LRP1: variants seen among roughly 807,000 people sequenced by gnomAD.
LRP1 encodes LDL receptor related protein 1.
LRP1 carries 51 observed loss-of-function variants against 541.5 expected under a neutral mutation model. That is an observed-to-expected ratio of 0.09 (90% confidence interval 0.08 to 0.12). LRP1 has a LOEUF of 0.12. LRP1 is among the 10% of genes least tolerant of loss of function. LRP1 has a pLI of 1.00. For synonymous variants in LRP1, 2,219 were observed against 2,470.8 expected, an observed-to-expected ratio of 0.90 and a Z score of 3.02; for missense variants, 3,878 against 6,376.2, an observed-to-expected ratio of 0.61 and a Z score of 13.34.
In LRP1 at chr12:57,165,675, T is replaced by G. The variant is rs12831522; in HGVS notation, c.2531-130T>G. 7.5e-5 allele frequency: 66 copies of G among 879,040 alleles called. No individual in the cohort carries two copies. The Middle Eastern group carries it at 2.1e-3, about 28-fold the overall frequency. 54.5% of individuals were successfully genotyped at this position (879,040 alleles called of 1,614,324 possible). On this transcript the variant is annotated intron_variant, in intron 15 of 88. Coordinates refer to ENST00000243077, the MANE Select transcript of LRP1 (RefSeq NM_002332.3). This position sits in a 1 kb window ranked among gnomAD's most constrained non-coding sequence, Gnocchi z 4.5. ...TCCAGATAATTTGTTTCATGAGGAA[T>G]TTTGTACTAGAAAAAATTACTTTGT... is the stretch of plus-strand genomic sequence containing the variant.
At chr12:57,141,688 G>C (rs1592604084) in intron 3 of LRP1, among the ~76,000 whole-genome samples, 177 bp downstream of exon 3, 1 of 152,254 alleles carries the variant, frequency 6.6e-6, no homozygotes, top group South Asian at 2.1e-4. Flanking sequence ...AGCTTGGTCA[G>C]ACAGCCCTGT....
In LRP1 at chr12:57,185,982, C is replaced by T; in HGVS notation, c.6841+74C>T. 1.3e-6 allele frequency: 2 copies of T among 1,490,478 alleles called. No homozygotes were observed. The highest frequency in any genetic ancestry group is 2.6e-5 in the South Asian group (2 of 75,846). The allele number at this position is 1,490,478 out of a possible 1,614,324, so 92.3% of individuals were successfully genotyped here. ...AGCAGCACAGACTCTTAGACCCCAGCCAGGCACTCTACCCTAGGTCTGAAT... is the reference window on the plus strand; with the variant it reads ...AGCAGCACAGACTCTTAGACCCCAGTCAGGCACTCTACCCTAGGTCTGAAT... On this transcript the variant is annotated intron_variant, in intron 41 of 88. Coordinates refer to ENST00000243077, the MANE Select transcript of LRP1 (RefSeq NM_002332.3). This position sits in a 1 kb window ranked among gnomAD's most constrained non-coding sequence, Gnocchi z 4.9.
Position 57,138,537 on chromosome 12 carries a change from G to A in LRP1, c.146G>A (p.Gly49Asp), listed in dbSNP as rs1405722326. Residue 49 changes from glycine (G) to aspartate (D), a missense_variant, in exon 2 of 89, where the codon GGT becomes GAT. This residue lies in a region of LRP1 where 293 missense variants were observed against 403.7 expected (regional missense o/e 0.73). Transcript: ENST00000243077. ...ATCTCAAAGGGCTGGCGGTGCGACG[G>A]TGAGAGGGACTGCCCAGACGGATCT... ...TCISKGWRCDGERDCPDGSDE... is the reference protein window; with the variant it reads ...TCISKGWRCDDERDCPDGSDE... 3.1e-6 allele frequency: 5 copies of A among 1,614,114 alleles called. No individual in the cohort carries two copies. The highest frequency in any genetic ancestry group is 1.1e-5 in the South Asian group (1 of 91,076).
At chr12:57,129,350 C>T (rs2034989255) in intron 1 of LRP1, among the ~76,000 whole-genome samples, 1 of 152,076 alleles carries the variant, frequency 6.6e-6, no homozygotes, top group Non-Finnish European at 1.5e-5. Context: ...AGGGCCTCCG[C>T]CTCCCCTACA....
At chr12:57,169,480 G>C (rs2035903334) in intron 20 of LRP1, among the ~76,000 whole-genome samples, 173 bp downstream of exon 20, 1 of 152,208 alleles carries the variant, frequency 6.6e-6, no homozygotes, top group Non-Finnish European at 1.5e-5. Context: ...GGAGAGGGAG[G>C]TTGCCGAAAA....
intron 20 of LRP1, among the ~76,000 whole-genome samples, chr12:57,170,511 T>C (rs1682104485): frequency 6.6e-6 from 1 of 151,602 alleles, no homozygotes; most frequent in Admixed American, 6.6e-5. Context: ...AGAACCCATC[T>C]TGAAAAAAGA....
rs201950624 is a variant in LRP1, at chr12:57,205,265, G to C, written c.11335+16G>C. On this transcript the variant is annotated intron_variant, in intron 73 of 88. Transcript: ENST00000243077. This position sits in a 1 kb window ranked among gnomAD's most constrained non-coding sequence, Gnocchi z 4.6. ...TGCAGCATCGGTGAGGCCCGGCAGC[G>C]GACCGGACGCTGGTGGGGAGTGGGG... The C allele has an allele frequency of 6.2e-7, 1 of 1,605,428 alleles. No homozygotes were observed.
rs144932848 is a variant in LRP1 at position 57,210,742 on chromosome 12, C to T, written c.12779C>T (p.Thr4260Met). 2.5e-6 allele frequency: 4 copies of T among 1,611,182 alleles called. No individual in the cohort carries two copies. Among genetic ancestry groups the T allele is most frequent in the East Asian group, 2.2e-5 (1 of 44,786 alleles). The change falls in exon 83 of 89, where the codon ACG (threonine) becomes ATG (methionine). Residue 4260 changes from threonine (T) to methionine (M), a missense_variant. This residue lies in a region of LRP1 where 871 missense variants were observed against 1,212.4 expected (regional missense o/e 0.72). Coordinates refer to ENST00000243077, the MANE Select transcript of LRP1 (RefSeq NM_002332.3). ...GGCATGCCCACGTGCCGGTGCCCCA[C>T]GGGCTTCACGGGCCCCAAATGCACC... ...PSGMPTCRCP[T>M]GFTGPKCTQQ...
intron 19 of LRP1, among the ~76,000 whole-genome samples, 155 bp from the exon 20 acceptor site, chr12:57,168,985 T>C (rs539577130): frequency 6.8e-6 from 1 of 146,968 alleles, no homozygotes; most frequent in South Asian, 2.2e-4. Context: ...CTGCAGTCTA[T>C]GCAGTTTCTG....
intron 3 of LRP1, among the ~76,000 whole-genome samples, chr12:57,142,749 G>A (rs937429094): frequency 2.0e-5 from 3 of 152,062 alleles, no homozygotes; most frequent in African/African-American, 7.2e-5. Flanking sequence ...GTTTTCCAGA[G>A]CAAATGATAT....
Position 57,183,291 on chromosome 12 carries a change from G to C in LRP1, c.5663-88G>C. On this transcript the variant is annotated intron_variant, in intron 34 of 88. Transcript: ENST00000243077. This position sits in a 1 kb window ranked among gnomAD's most constrained non-coding sequence, Gnocchi z 6.1. ...ATGGTGGGGGGGGATGATATCAAAG[G>C]AGAAGCAGAGAACAGTTGGAGGGTG... is the stretch of plus-strand genomic sequence containing the variant. 1 of 1,390,258 alleles carries C rather than the reference G, an allele frequency of 7.2e-7. No individual in the cohort carries two copies. The highest frequency in any genetic ancestry group is 1.3e-5 in the South Asian group (1 of 77,118). The allele number at this position is 1,390,258 out of a possible 1,614,324, so 86.1% of individuals were successfully genotyped here.
rs142253456 is a variant in LRP1 at position 57,199,939 on chromosome 12, G to C, written c.9928G>C (p.Gly3310Arg). The C allele has an allele frequency of 1.9e-6, 3 of 1,593,112 alleles. No individual in the cohort carries two copies. The highest frequency in any genetic ancestry group is 2.7e-5 in the African/African-American group (2 of 73,454). Residue 3310 changes from glycine (G) to arginine (R), a missense_variant, in exon 62 of 89, where the codon GGG (glycine) becomes CGG (arginine). By Grantham distance (125) the Gly-to-Arg change is moderately radical (BLOSUM62 -2). Transcript: ENST00000243077. ...CAGCAACCTGTGCCTGCTGTCCCCC[G>C]GGGGAGGGCACAAATGTGCCTGCCC... The part of the protein sequence containing the change: ...GCSNLCLLSP[G>R]GGHKCACPTN...
chr12:57,197,586 G>A lies in LRP1; in HGVS notation c.9204G>A (p.Glu3068=), dbSNP rs1199703344. 1 of 1,614,022 alleles carries A rather than the reference G, an allele frequency of 6.2e-7. No individual in the cohort carries two copies. Among genetic ancestry groups the A allele is most frequent in the Admixed American group, 1.7e-5 (1 of 60,002 alleles). Reference sequence around the variant, plus strand: ...TTGCCTTGGATTTTGACTACCGAGAGCAGATGATCTACTGGACAGATGTGA... The same window carrying A: ...TTGCCTTGGATTTTGACTACCGAGAACAGATGATCTACTGGACAGATGTGA... ...NAVALDFDYR[E]QMIYWTDVTT... The change falls in exon 58 of 89, where the codon GAG becomes GAA. Residue 3068 remains glutamate, a synonymous_variant. Transcript: ENST00000243077. This position sits in a 1 kb window ranked among gnomAD's most constrained non-coding sequence, Gnocchi z 4.5.
chr12:57,162,281 C>A lies in LRP1; in HGVS notation c.2203-36C>A. ...GATCTCACAGGCCTCCCTCAATTTT[C>A]TTCCAACTCCTTAGTAACATCCTCT... On this transcript the variant is annotated intron_variant, in intron 13 of 88. Transcript: ENST00000243077. This position sits in a 1 kb window ranked among gnomAD's most constrained non-coding sequence, Gnocchi z 5.2. 1.3e-6 allele frequency: 2 copies of A among 1,573,662 alleles called. No homozygotes were observed. Among genetic ancestry groups the A allele is most frequent in the Non-Finnish European group, 8.7e-7 (1 of 1,143,708 alleles).
intron 24 of LRP1, among the ~76,000 whole-genome samples, 163 bp downstream of exon 24, chr12:57,176,269 G>A (rs545838425): frequency 2.0e-5 from 3 of 152,338 alleles, no homozygotes; most frequent in African/African-American, 7.2e-5. Context: ...CATGCCTGAC[G>A]CCCCGTAATT....
At position 57,143,690 on chromosome 12, in the gene LRP1, A is replaced by G; in HGVS notation, c.340A>G (p.Asn114Asp). The change falls in exon 4 of 89, where the codon AAC (asparagine) becomes GAC (aspartate). Residue 114 changes from asparagine to aspartate, a missense_variant. Around this residue, in one of 13 missense-constraint regions of LRP1, gnomAD observed 293 missense variants for 403.7 expected, o/e 0.73. Transcript: ENST00000243077. ...EGPHCRELQG[N>D]CSRLGCQHHC... is the part of the protein sequence containing the mutation. The stretch of plus-strand genomic sequence containing the variant: ...CTGCCCCCACACAGAGCTCCAAGGC[A>G]ACTGCTCTCGCCTGGGCTGCCAGCA... The G allele has an allele frequency of 6.2e-7, 1 of 1,613,614 alleles. No individual in the cohort carries two copies. The highest frequency in any genetic ancestry group is 8.5e-7 in the Non-Finnish European group (1 of 1,179,602).
rs1011587489 is a variant in LRP1, at chr12:57,195,268, C to T, written c.8309-3C>T. ...CTCTCAGTGGCCCTCTCTCCCCCTA[C>T]AGAAGGCAAGACGTGCGGCCCCTCC... On this transcript the variant is annotated splice_region_variant and splice_polypyrimidine_tract_variant and intron_variant, in intron 51 of 88. Coordinates refer to ENST00000243077, the MANE Select transcript of LRP1 (RefSeq NM_002332.3). 2 of 1,613,366 alleles carry T rather than the reference C, an allele frequency of 1.2e-6. No individual in the cohort carries two copies. The highest frequency in any genetic ancestry group is 1.7e-6 in the Non-Finnish European group (2 of 1,179,578).
Position 57,162,491 on chromosome 12 carries a change from C to T in LRP1, c.2377C>T (p.Arg793Ter), listed in dbSNP as rs1555182993. Residue 793 changes from arginine (R) to a stop codon, truncating the protein, a stop_gained, in exon 14 of 89, where the codon CGA (arginine) becomes TGA (stop). Transcript: ENST00000243077. LOFTEE classifies it high-confidence loss of function. The surrounding 1 kb of genome is among the most constrained non-coding windows in gnomAD (Gnocchi z 5.2). ...RSERPPIFEI[R>*]MYDAQQQQVG... ...TGAGCGGCCCCCCATCTTTGAGATC[C>T]GAATGTATGATGCCCAGCAGCAGCA... is the stretch of plus-strand genomic sequence containing the variant. 6.2e-7 allele frequency: 1 copy of T among 1,613,966 alleles called. No individual in the cohort carries two copies. The highest frequency in any genetic ancestry group is 8.5e-7 in the Non-Finnish European group (1 of 1,180,016).
intron 2 of LRP1, among the ~76,000 whole-genome samples, chr12:57,140,412 A>G (rs1482005754): frequency 6.6e-6 from 1 of 152,272 alleles, no homozygotes; most frequent in Non-Finnish European, 1.5e-5. Flanking sequence ...ATGAATTTGA[A>G]TATTTTATCC....
Sources: gnomAD v4.1 joint callset for allele counts (sites outside exome capture counted in the v4.1 genomes callset) on GRCh38, gnomAD v4.1.1 for gene constraint, gnomAD v4.1.1 regional missense constraint, Gnocchi (gnomAD v3.1) non-coding constraint, MANE v1.5 for transcripts, NCBI Gene and HGNC (gene_info 2026-07-23, HGNC 2026-07-21) for gene names.